ZNF366: variants seen among roughly 807,000 people sequenced by gnomAD.
The protein encoded by ZNF366 is dendritic cell-specific transcript protein.
Under a neutral mutation model 47.2 loss-of-function variants are expected in ZNF366, and 20 were observed. The ratio of observed to expected loss-of-function variants is 0.42; its 90% CI spans 0.30 to 0.62. The LOEUF (loss-of-function observed/expected upper bound fraction) is 0.62, where lower values mean the gene tolerates loss of function less well. Ranked by LOEUF, ZNF366 falls within the 20% of genes least tolerant of loss-of-function variation. The pLI is 0.16. For missense variants in ZNF366, 987 were observed against 976.3 expected, an observed-to-expected ratio of 1.01 and a Z score of -0.15; for synonymous variants, 421 against 395.1, an observed-to-expected ratio of 1.07 and a Z score of -0.78.
rs912092586 is a variant in ZNF366, at chr5:72,460,066, G to A, written c.1332+99C>T. ...GGGGTTGCCCACCTCCTCGGGGTAA[G>A]GTGCAGAGCGGCACAGGCGTCCTGC... is the stretch of plus-strand genomic sequence containing the variant. On this transcript the variant is annotated intron_variant, in intron 2 of 4. Coordinates refer to ENST00000318442, the MANE Select transcript of ZNF366 (RefSeq NM_152625.3). 4.1e-6 allele frequency: 6 copies of A among 1,464,374 alleles called. No individual in the cohort carries two copies. In the African/African-American group the frequency reaches 8.5e-5, roughly 21 times the overall value. 90.7% of individuals were successfully genotyped at this position (1,464,374 alleles called of 1,614,324 possible).
chr5:72,466,756 G>T (rs1743437590), intron 1 of ZNF366, among the ~76,000 whole-genome samples: 1 of 152,222 alleles, frequency 6.6e-6, no homozygotes. Flanking sequence ...TTTCCCTAAT[G>T]AAATCATCAG....
intron 3 of ZNF366, among the ~76,000 whole-genome samples, chr5:72,449,459 A>G (rs1743019945): frequency 6.6e-6 from 1 of 152,090 alleles, no homozygotes; most frequent in Non-Finnish European, 1.5e-5. Flanking sequence ...CCGGTCCCAA[A>G]CTCCTGACCT....
At position 72,460,706 on chromosome 5, in the gene ZNF366, G is replaced by A. The variant is rs780168997; in HGVS notation, c.791C>T (p.Ser264Phe). 6.2e-7 allele frequency: 1 copy of A among 1,614,220 alleles called. No homozygotes were observed. The highest frequency in any genetic ancestry group is 8.5e-7 in the Non-Finnish European group (1 of 1,180,038). ...QCPTCEKSYT[S>F]KYNLVTHILG... ...GATGTGGGTGACCAGGTTGTACTTG[G>A]AGGTGTAGGACTTCTCGCAGGTGGG... The change falls in exon 2 of 5, where the codon TCC becomes TTC. Residue 264 changes from serine to phenylalanine, a missense_variant. By Grantham distance (155) the Ser-to-Phe change is radical (BLOSUM62 -2). This residue lies in a region of ZNF366 where 591 missense variants were observed against 560.9 expected (regional missense o/e 1.05). Transcript: ENST00000318442.
Position 72,468,440 on chromosome 5 carries a change from T to A in ZNF366, c.-14-6930A>T, listed in dbSNP as rs564698840. On this transcript the variant is annotated intron_variant, in intron 1 of 4. Transcript: ENST00000318442. ...AGAAAATACGATTTGGTGATGAGAC[T>A]TGTTCACACGTGAAACAGCCAATTG... Among the ~76,000 whole-genome samples the A allele has an allele frequency of 1.4e-4, 21 of 152,362 alleles. 1 individual carries two copies. Among genetic ancestry groups the A allele is most frequent in the African/African-American group, 4.3e-4 (18 of 41,584 alleles).
intron 3 of ZNF366, among the ~76,000 whole-genome samples, chr5:72,453,378 A>C (rs1743114712): frequency 6.6e-6 from 1 of 152,216 alleles, no homozygotes; most frequent in South Asian, 2.1e-4. Flanking sequence ...ACAAAACACA[A>C]GTTCAGTTGC....
At chr5:72,459,885 C>T (rs1429107141) in intron 2 of ZNF366, among the ~76,000 whole-genome samples, 2 of 152,228 alleles carry the variant, frequency 1.3e-5, no homozygotes, top group Non-Finnish European at 2.9e-5. Context: ...TAGGGAGCAT[C>T]CTTCCTCATC....
intron 3 of ZNF366, among the ~76,000 whole-genome samples, chr5:72,451,070 T>C (rs1243421663): frequency 2.6e-5 from 4 of 152,254 alleles, no homozygotes; most frequent in East Asian, 1.9e-4. Context: ...TTAAATCATG[T>C]GATGTGAAGC....
At chr5:72,464,518 A>G (rs1397464835) in intron 1 of ZNF366, among the ~76,000 whole-genome samples, 1 of 151,932 alleles carries the variant, frequency 6.6e-6, no homozygotes, top group Non-Finnish European at 1.5e-5. Context: ...TTTTGTCACC[A>G]TTGTCCTAGT....
intron 3 of ZNF366, among the ~76,000 whole-genome samples, chr5:72,453,122 G>C (rs142156807): frequency 2.0e-5 from 3 of 152,160 alleles, no homozygotes; most frequent in Non-Finnish European, 4.4e-5. Flanking sequence ...ACATTTCTGC[G>C]TGCTAGGGAC....
intron 1 of ZNF366, among the ~76,000 whole-genome samples, chr5:72,463,538 C>A (rs772114438): frequency 6.6e-5 from 10 of 152,192 alleles, no homozygotes; most frequent in Non-Finnish European, 1.2e-4. Flanking sequence ...TGTGTCTTAG[C>A]TTTGCTTCCT....
At chr5:72,490,501 C>T (rs963047261) in intron 1 of ZNF366, among the ~76,000 whole-genome samples, 2 of 152,108 alleles carry the variant, frequency 1.3e-5, no homozygotes, top group African/African-American at 4.8e-5. Flanking sequence ...AGGAGACATG[C>T]TGAAAGATGG....
chr5:72,486,419 G>A (rs566836792), intron 1 of ZNF366, among the ~76,000 whole-genome samples: 1 of 152,262 alleles, frequency 6.6e-6, no homozygotes, highest in African/African-American at 2.4e-5. Flanking sequence ...ATGACTGTGA[G>A]GCCCAAGGAA....
chr5:72,466,233 T>C (rs766035385), intron 1 of ZNF366, among the ~76,000 whole-genome samples: 5 of 152,232 alleles, frequency 3.3e-5, no homozygotes, highest in Non-Finnish European at 5.9e-5. Flanking sequence ...AGTTTATTCA[T>C]ACCATGTGGC....
At chr5:72,499,338 T>C (rs1388259326) in intron 1 of ZNF366, among the ~76,000 whole-genome samples, 2 of 152,176 alleles carry the variant, frequency 1.3e-5, no homozygotes, top group African/African-American at 4.8e-5. Context: ...AAGACGATGC[T>C]GGGAATAGTC....
At chr5:72,465,222 C>T (rs1561195817) in intron 1 of ZNF366, among the ~76,000 whole-genome samples, 2 of 152,156 alleles carry the variant, frequency 1.3e-5, no homozygotes, top group Non-Finnish European at 2.9e-5. Context: ...CTGATTTCCC[C>T]TTGGCCTGCT....
chr5:72,461,231 T>C lies in ZNF366; in HGVS notation c.266A>G (p.Asn89Ser), dbSNP rs777693976. Residue 89 changes from asparagine (N) to serine (S), a missense_variant, in exon 2 of 5, where the codon AAC becomes AGC. By Grantham distance (46) the Asn-to-Ser change is conservative. This residue lies in a region of ZNF366 where 591 missense variants were observed against 560.9 expected (regional missense o/e 1.05). Transcript: ENST00000318442. ...RKSMPTKMPY[N>S]HPAEEVTLAL... ...GAGGGTGACTTCTTCTGCAGGGTGGTTATAGGGCATCTTTGTGGGCATGCT... is the reference window on the plus strand; with the variant it reads ...GAGGGTGACTTCTTCTGCAGGGTGGCTATAGGGCATCTTTGTGGGCATGCT... 2.5e-6 allele frequency: 4 copies of C among 1,614,048 alleles called. No homozygotes were observed. Among genetic ancestry groups the C allele is most frequent in the Middle Eastern group, 1.6e-4 (1 of 6,062 alleles).
intron 1 of ZNF366, among the ~76,000 whole-genome samples, chr5:72,478,185 G>T (rs1743713330): frequency 6.6e-6 from 1 of 152,190 alleles, no homozygotes; most frequent in African/African-American, 2.4e-5. Context: ...TGAAAGAGGA[G>T]TTAGATTTAT....
At chr5:72,457,305 G>C (rs74909643) in intron 2 of ZNF366, among the ~76,000 whole-genome samples, 2 of 152,094 alleles carry the variant, frequency 1.3e-5, no homozygotes, top group African/African-American at 4.8e-5. Flanking sequence ...TTGAACCAAG[G>C]CCCTTAATTG....
rs1163788769 is a variant in ZNF366, at chr5:72,441,856, A to C, written c.*1900T>G. On this transcript the variant is annotated 3_prime_UTR_variant, in exon 5 of 5. Transcript: ENST00000318442. ...AAGAAGTTTTTACATAAACAGACAC[A>C]GTACCAGAGGGTTATTGCTATGGGC... 1 of 152,216 alleles carries C rather than the reference A, an allele frequency of 6.6e-6. No individual in the cohort carries two copies. The highest frequency in any genetic ancestry group is 1.5e-5 in the Non-Finnish European group (1 of 68,052). 9.4% of individuals were successfully genotyped at this position (152,216 alleles called of 1,614,324 possible).
Sources: gnomAD v4.1 joint callset for allele counts (sites outside exome capture counted in the v4.1 genomes callset) on GRCh38, gnomAD v4.1.1 for gene constraint, gnomAD v4.1.1 regional missense constraint, MANE v1.5 for transcripts, NCBI Gene and HGNC (gene_info 2026-07-23, HGNC 2026-07-21) for gene names.